The following NRG2 variants were observed in gnomAD, a reference collection of about 807,000 sequenced individuals.
The protein encoded by NRG2 is neuregulin 2, also known as pro-neuregulin-2, membrane-bound isoform.
A neutral mutation model predicts 73.9 loss-of-function variants in NRG2; 27 were observed. The ratio of observed to expected loss-of-function variants is 0.37; its 90% CI spans 0.27 to 0.50. The LOEUF (loss-of-function observed/expected upper bound fraction) is 0.50. NRG2 is among the 20% of genes least tolerant of loss of function. The pLI is 0.96. For synonymous variants in NRG2, 532 were observed against 541.0 expected (o/e 0.98, Z 0.23); for missense variants, 1,126 against 1,210.1 (o/e 0.93, Z 1.03).
chr5:139,957,273 A>G (rs927741554), intron 1 of NRG2, among the ~76,000 whole-genome samples: 4 of 150,896 alleles, frequency 2.7e-5, no homozygotes, highest in African/African-American at 9.8e-5. Flanking sequence ...AGAGATGGGA[A>G]CTAGCTGGTC....
intron 1 of NRG2, among the ~76,000 whole-genome samples, chr5:139,967,361 C>T (rs1401124510): frequency 6.6e-6 from 1 of 152,200 alleles, no homozygotes; most frequent in Non-Finnish European, 1.5e-5. Context: ...GACACACATA[C>T]CTCCTCCGCA....
intron 9 of NRG2, among the ~76,000 whole-genome samples, chr5:139,850,004 T>C (rs1761306530): frequency 6.6e-6 from 1 of 152,178 alleles, no homozygotes; most frequent in Non-Finnish European, 1.5e-5. Flanking sequence ...GCCCACTCTG[T>C]TCCAGGCACC....
intron 1 of NRG2, among the ~76,000 whole-genome samples, chr5:140,015,525 T>C (rs1179648442): frequency 6.6e-6 from 1 of 152,202 alleles, no homozygotes; most frequent in Non-Finnish European, 1.5e-5. Flanking sequence ...CCATAAGTGT[T>C]GGTTAATTAA....
intron 1 of NRG2, 63 bp downstream of exon 1, chr5:140,042,307 A>C (rs1581010314): frequency 6.3e-4 from 309 of 492,470 alleles, no homozygotes; most frequent in East Asian, 2.8e-3. Context: ...TCCCCGCCCC[A>C]CCCCCATTCT....
In NRG2 at chr5:139,865,449, C is replaced by A. The variant is rs1311978909; in HGVS notation, c.1189+100G>T. 11 of 885,292 alleles carry A rather than the reference C, an allele frequency of 1.2e-5. No homozygotes were observed. In the African/African-American group the frequency reaches 1.7e-4, roughly 14 times the overall value. 54.8% of individuals were successfully genotyped at this position (885,292 alleles called of 1,614,324 possible). A position where few individuals can be genotyped will look rare whatever the true frequency, so the allele number is the denominator to read the frequency against. Reference sequence around the variant, plus strand: ...GAAACAAAACAAAACAGCCAAAGATCAAAACAACCAACACCCCTGGCCCTA... The same window carrying A: ...GAAACAAAACAAAACAGCCAAAGATAAAAACAACCAACACCCCTGGCCCTA... On this transcript the variant is annotated intron_variant, in intron 5 of 9. Coordinates refer to ENST00000361474, the MANE Select transcript of NRG2 (RefSeq NM_004883.3). This position sits in a 1 kb window ranked among gnomAD's most constrained non-coding sequence, Gnocchi z 5.2.
At chr5:139,864,382 CTTCT>C (rs1762340551) in intron 5 of NRG2, among the ~76,000 whole-genome samples, 1 of 144,250 alleles carries the variant, frequency 6.9e-6, no homozygotes, top group African/African-American at 2.8e-5. Flanking sequence ...CCTTCTTCTT[CTTCT>C]TTTTTTTTTT....
At chr5:140,003,697 G>T (rs980278974) in intron 1 of NRG2, among the ~76,000 whole-genome samples, 4 of 152,194 alleles carry the variant, frequency 2.6e-5, no homozygotes, top group African/African-American at 9.6e-5. Context: ...GCCATTTGTT[G>T]TGGTAATTTT....
rs1751214615 is a variant in NRG2, at chr5:139,915,858, G to A, written c.701-28347C>T. ...GACAGCCTGGCAATGACACTGAGTGGGAATCCACAAAACAGGTTCAGAGAA... is the reference window on the plus strand; with the variant it reads ...GACAGCCTGGCAATGACACTGAGTGAGAATCCACAAAACAGGTTCAGAGAA... On this transcript the variant is annotated intron_variant, in intron 1 of 9. Coordinates refer to ENST00000361474, the MANE Select transcript of NRG2 (RefSeq NM_004883.3). This position sits in a 1 kb window ranked among gnomAD's most constrained non-coding sequence, Gnocchi z 4.0. Among the ~76,000 whole-genome samples the A allele has an allele frequency of 6.6e-6, 1 of 152,106 alleles. No individual in the cohort carries two copies. Among genetic ancestry groups the A allele is most frequent in the Non-Finnish European group, 1.5e-5 (1 of 68,030 alleles).
Position 139,865,719 on chromosome 5 carries a change from A to T in NRG2, c.1113-94T>A. On this transcript the variant is annotated intron_variant, in intron 4 of 9. Transcript: ENST00000361474. This position sits in a 1 kb window ranked among gnomAD's most constrained non-coding sequence, Gnocchi z 5.2. ...AAAGTGCACAGTGATGAATGAGAAAAACCAAGTCAGGCACTTGGGGTCATA... is the reference window on the plus strand; with the variant it reads ...AAAGTGCACAGTGATGAATGAGAAATACCAAGTCAGGCACTTGGGGTCATA... 4.7e-6 allele frequency: 5 copies of T among 1,069,434 alleles called. No individual in the cohort carries two copies. The highest frequency in any genetic ancestry group is 6.9e-6 in the Non-Finnish European group (5 of 728,264). 66.2% of individuals were successfully genotyped at this position (1,069,434 alleles called of 1,614,324 possible).
At position 139,954,402 on chromosome 5, in the gene NRG2, G is replaced by A. The variant is rs1754460931; in HGVS notation, c.701-66891C>T. Among the ~76,000 whole-genome samples the A allele has an allele frequency of 6.6e-6, 1 of 152,168 alleles. No homozygotes were observed. Among genetic ancestry groups the A allele is most frequent in the Non-Finnish European group, 1.5e-5 (1 of 68,034 alleles). On this transcript the variant is annotated intron_variant, in intron 1 of 9. Coordinates refer to ENST00000361474, the MANE Select transcript of NRG2 (RefSeq NM_004883.3). The surrounding 1 kb of genome is among the most constrained non-coding windows in gnomAD (Gnocchi z 5.0). ...AATGACTGGAGGGGCAGGAAGGGAG[G>A]GAAATTGTGCCAGCACTCTCCTGGC... is the stretch of plus-strand genomic sequence containing the variant.
chr5:139,967,914 G>A (rs565485114), intron 1 of NRG2, among the ~76,000 whole-genome samples: 54 of 151,792 alleles, frequency 3.6e-4, no homozygotes, highest in African/African-American at 1.3e-3. Flanking sequence ...AGCTGAGATC[G>A]CACCACTGCA....
intron 1 of NRG2, among the ~76,000 whole-genome samples, chr5:140,025,391 T>C (rs1760604831): frequency 6.6e-6 from 1 of 152,188 alleles, no homozygotes; most frequent in Non-Finnish European, 1.5e-5. Context: ...GCATGGCACA[T>C]GTAGGTACAC....
chr5:140,014,149 A>C (rs949223536), intron 1 of NRG2, among the ~76,000 whole-genome samples: 1 of 151,964 alleles, frequency 6.6e-6, no homozygotes, highest in Non-Finnish European at 1.5e-5. Context: ...AAACCCCTTA[A>C]TTGTCCCCAA....
At chr5:139,977,315 G>T (rs1417363730) in intron 1 of NRG2, among the ~76,000 whole-genome samples, 1 of 152,134 alleles carries the variant, frequency 6.6e-6, no homozygotes, top group African/African-American at 2.4e-5. Context: ...TTGCTATAGA[G>T]GGGAATGATT....
At chr5:139,909,699 C>A (rs1268374961) in intron 1 of NRG2, among the ~76,000 whole-genome samples, 1 of 152,224 alleles carries the variant, frequency 6.6e-6, no homozygotes, top group Non-Finnish European at 1.5e-5. Context: ...GATCAAAATG[C>A]CACTCCCTGC....
intron 1 of NRG2, among the ~76,000 whole-genome samples, chr5:140,031,680 T>C (rs997271956): frequency 9.2e-5 from 14 of 152,026 alleles, no homozygotes; most frequent in Non-Finnish European, 1.5e-5. Context: ...ACAAAGTAAC[T>C]CCAGAAAAGA....
intron 1 of NRG2, among the ~76,000 whole-genome samples, chr5:139,976,288 G>T (rs948185218): frequency 1.3e-5 from 2 of 152,110 alleles, no homozygotes; most frequent in African/African-American, 4.8e-5. Flanking sequence ...TCAAAGAATG[G>T]GTTTCATTTG....
At chr5:140,030,381 T>C (rs1675239069) in intron 1 of NRG2, among the ~76,000 whole-genome samples, 1 of 152,172 alleles carries the variant, frequency 6.6e-6, no homozygotes, top group Admixed American at 6.5e-5. Context: ...TTAACTTTTT[T>C]ACCTCTGTAC....
chr5:139,848,837 G>T, intron 9 of NRG2, 140 bp from the exon 10 acceptor site: 1 of 759,462 alleles, frequency 1.3e-6, no homozygotes, highest in Non-Finnish European at 2.0e-6. Context: ...AAGAATGACG[G>T]CAGCAACCCT....
Sources: gnomAD v4.1 joint callset for allele counts (sites outside exome capture counted in the v4.1 genomes callset) on GRCh38, gnomAD v4.1.1 for gene constraint, Gnocchi (gnomAD v3.1) non-coding constraint, MANE v1.5 for transcripts, NCBI Gene and HGNC (gene_info 2026-07-23, HGNC 2026-07-21) for gene names.